Variants in ARHGAP18 observed in about 807,000 individuals in gnomAD.
ARHGAP18 encodes Rho GTPase activating protein 18, also known as rho GTPase-activating protein 18.
ARHGAP18 carries 67 observed loss-of-function variants against 86.2 expected under a neutral mutation model. The observed-to-expected ratio is 0.78, with a 90% CI of 0.64 to 0.95. ARHGAP18 has a LOEUF of 0.95. Ranked by LOEUF, ARHGAP18 falls within the 40% of genes least tolerant of loss-of-function variation. ARHGAP18 has a pLI of 0.00. For synonymous variants in ARHGAP18, 283 were observed against 280.4 expected (o/e 1.01, Z -0.09); for missense variants, 691 against 780.4 (o/e 0.89, Z 1.37).
intron 12 of ARHGAP18, among the ~76,000 whole-genome samples, chr6:129,596,148 C>T (rs906057742): frequency 6.6e-6 from 1 of 152,076 alleles, no homozygotes; most frequent in African/African-American, 2.4e-5. Context: ...TGCTTCAAAC[C>T]CCCATTTCAC....
At chr6:129,579,854 G>A (rs1788251201) in intron 14 of ARHGAP18, among the ~76,000 whole-genome samples, 1 of 152,120 alleles carries the variant, frequency 6.6e-6, no homozygotes, top group Non-Finnish European at 1.5e-5. Context: ...ACTTGCCTTT[G>A]CTGAAATTGA....
intron 2 of ARHGAP18, among the ~76,000 whole-genome samples, chr6:129,640,248 A>G (rs960420494): frequency 7.2e-5 from 11 of 152,196 alleles, no homozygotes; most frequent in Non-Finnish European, 1.5e-5. Context: ...TTAAAGTCTA[A>G]GAAAAGGTGT....
Position 129,625,970 on chromosome 6 carries a change from TTA to T in ARHGAP18, c.786+3381_786+3382del, listed in dbSNP as rs532527510. On this transcript the variant is annotated intron_variant, in intron 5 of 14. Coordinates refer to ENST00000368149, the MANE Select transcript of ARHGAP18 (RefSeq NM_033515.3). ...TATTTATATATTATATATTTATATA[TTA>T]TATATATTTATATTATATATCAAAT... Among the ~76,000 whole-genome samples the T allele has an allele frequency of 5.2e-3, 576 of 110,784 alleles. 16 individuals are homozygous for T. Among genetic ancestry groups the T allele is most frequent in the African/African-American group, 0.019 (553 of 28,678 alleles). The allele number at this position is 110,784 out of a possible 152,430, so 72.7% of individuals were successfully genotyped here. A position where few individuals can be genotyped will look rare whatever the true frequency, so the allele number is the denominator to read the frequency against.
chr6:129,677,217 C>G (rs1374398165), intron 1 of ARHGAP18, among the ~76,000 whole-genome samples: 1 of 152,116 alleles, frequency 6.6e-6, no homozygotes, highest in East Asian at 1.9e-4. Flanking sequence ...CACGGTGAAA[C>G]CCCGTCTCTA....
intron 5 of ARHGAP18, among the ~76,000 whole-genome samples, chr6:129,626,103 CACAT>C (rs1357897671): frequency 1.2e-3 from 111 of 91,908 alleles, no homozygotes; most frequent in African/African-American, 3.5e-3. Flanking sequence ...CACACACACA[CACAT>C]ATATAGAAGA....
chr6:129,677,646 T>C (rs1365536371), intron 1 of ARHGAP18, among the ~76,000 whole-genome samples: 1 of 152,334 alleles, frequency 6.6e-6, no homozygotes, highest in Non-Finnish European at 1.5e-5. Context: ...AATGTCCTTA[T>C]TGATGTTTAC....
chr6:129,663,484 CA>C (rs1424574801), intron 1 of ARHGAP18, among the ~76,000 whole-genome samples: 4 of 152,152 alleles, frequency 2.6e-5, no homozygotes, highest in African/African-American at 7.2e-5. Context: ...CTTAATTACT[CA>C]AATGTGAATA....
intron 10 of ARHGAP18, among the ~76,000 whole-genome samples, chr6:129,603,151 C>T (rs1001790743): frequency 2.6e-5 from 4 of 151,980 alleles, no homozygotes; most frequent in Non-Finnish European, 4.4e-5. Context: ...CCTTCTCCTA[C>T]GCTTCCACCG....
intron 1 of ARHGAP18, among the ~76,000 whole-genome samples, chr6:129,654,522 C>G (rs1342470688): frequency 1.3e-5 from 2 of 152,216 alleles, no homozygotes; most frequent in East Asian, 1.9e-4. Context: ...AAAATTCCCA[C>G]TTAACCAAAA....
At chr6:129,647,224 C>T (rs1344209201) in intron 1 of ARHGAP18, among the ~76,000 whole-genome samples, 1 of 152,124 alleles carries the variant, frequency 6.6e-6, no homozygotes, top group African/African-American at 2.4e-5. Flanking sequence ...CTGGGCATCC[C>T]CTTTTGGCCA....
chr6:129,652,153 T>C (rs1168911912), intron 1 of ARHGAP18, among the ~76,000 whole-genome samples: 2 of 152,240 alleles, frequency 1.3e-5, no homozygotes, highest in Non-Finnish European at 2.9e-5. Context: ...CTTCCTGGCA[T>C]CCCTGCCCCT....
chr6:129,605,115 T>A (rs567131917), intron 10 of ARHGAP18, among the ~76,000 whole-genome samples: 1 of 152,290 alleles, frequency 6.6e-6, no homozygotes, highest in Non-Finnish European at 1.5e-5. Context: ...AAACTTAAGA[T>A]AATACTTTTA....
At chr6:129,686,788 C>CTTTTTTT (rs553951472) in intron 1 of ARHGAP18, among the ~76,000 whole-genome samples, 1 of 117,492 alleles carries the variant, frequency 8.5e-6, no homozygotes, top group Non-Finnish European at 1.8e-5. Flanking sequence ...CTAATAAAAC[C>CTTTTTTT]TTTTTTTTTT....
At chr6:129,634,354 T>A (rs995304084) in intron 3 of ARHGAP18, among the ~76,000 whole-genome samples, 1 of 152,146 alleles carries the variant, frequency 6.6e-6, no homozygotes, top group Non-Finnish European at 1.5e-5. Flanking sequence ...AGTGGGTCCC[T>A]GTCATCAAGA....
chr6:129,655,359 A>G (rs2114513495), intron 1 of ARHGAP18, among the ~76,000 whole-genome samples: 1 of 151,372 alleles, frequency 6.6e-6, no homozygotes. Flanking sequence ...AAAGAAAAGA[A>G]AAGAAAACAG....
Position 129,608,064 on chromosome 6 carries a change from G to GAAGAAAAAAAA in ARHGAP18, c.1123-13_1123-12insTTTTTTTTCTT. On this transcript the variant is annotated splice_polypyrimidine_tract_variant and intron_variant, in intron 8 of 14. Coordinates refer to ENST00000368149, the MANE Select transcript of ARHGAP18 (RefSeq NM_033515.3). ...TCTTGGCAAAGATTCTGATAGGCAC[G>GAAGAAAAAAAA]AAAAAAAAAAAAAAAAAAAAAAGAA... The GAAGAAAAAAAA allele has an allele frequency of 1.0e-6, 1 of 981,366 alleles. No individual in the cohort carries two copies. The highest frequency in any genetic ancestry group is 1.2e-6 in the Non-Finnish European group (1 of 804,710). The allele number at this position is 981,366 out of a possible 1,614,324, so 60.8% of individuals were successfully genotyped here. A position where few individuals can be genotyped will look rare whatever the true frequency, so the allele number is the denominator to read the frequency against.
intron 4 of ARHGAP18, among the ~76,000 whole-genome samples, chr6:129,632,636 A>T (rs1416309755): frequency 1.3e-5 from 2 of 152,198 alleles, no homozygotes; most frequent in Non-Finnish European, 2.9e-5. Flanking sequence ...CTGCAGGTAC[A>T]TAGATCTGAG....
intron 10 of ARHGAP18, among the ~76,000 whole-genome samples, chr6:129,602,194 T>G (rs948843626): frequency 4.6e-5 from 7 of 152,122 alleles, no homozygotes; most frequent in Non-Finnish European, 8.8e-5. Context: ...AATGAGGCAG[T>G]TTATGAAGCA....
At chr6:129,618,650 T>C (rs1789144913) in intron 6 of ARHGAP18, 37 bp downstream of exon 6, 2 of 1,542,842 alleles carry the variant, frequency 1.3e-6, no homozygotes, top group Non-Finnish European at 8.8e-7. Context: ...CTTGCTATTT[T>C]AGAAATAAAT....
Sources: gnomAD v4.1 joint callset for allele counts (sites outside exome capture counted in the v4.1 genomes callset) on GRCh38, gnomAD v4.1.1 for gene constraint, MANE v1.5 for transcripts, NCBI Gene and HGNC (gene_info 2026-07-23, HGNC 2026-07-21) for gene names.